Variants in SYT1 observed in about 807,000 individuals in gnomAD.
SYT1 encodes synaptotagmin 1, also known as synaptotagmin-1.
In SYT1, 8 loss-of-function variants were observed where a neutral mutation model predicts 44.8. The observed-to-expected ratio is 0.18, with a 90% CI of 0.10 to 0.32. SYT1 has a LOEUF of 0.32. SYT1 is among the 10% of genes least tolerant of loss of function. The pLI, the probability that SYT1 is intolerant of heterozygous loss-of-function variation, is 1.00. For synonymous variants in SYT1, 154 were observed against 188.8 expected, an observed-to-expected ratio of 0.82 and a Z score of 1.51; for missense variants, 286 against 509.3, an observed-to-expected ratio of 0.56 and a Z score of 4.22.
intron 2 of SYT1, among the ~76,000 whole-genome samples, chr12:79,044,873 T>G (rs1873887471): frequency 1.3e-5 from 2 of 152,186 alleles, no homozygotes; most frequent in South Asian, 4.1e-4. Context: ...GCAGGTCTGT[T>G]GGAGTACGCT....
chr12:78,894,579 G>T (rs932347803), intron 1 of SYT1, among the ~76,000 whole-genome samples: 5 of 151,370 alleles, frequency 3.3e-5, no homozygotes, highest in Non-Finnish European at 7.4e-5. Flanking sequence ...ATGAAACAAT[G>T]CATATTAAGT....
rs1230281601 is a variant in SYT1, at chr12:79,044,447, G to A, written c.-83-2850G>A. ...CTCCTGAGGCTTCTGCATTCTTCAC[G>A]TAGTTCTCGAGCCTTGGTTTTCAGC... On this transcript the variant is annotated intron_variant, in intron 2 of 10. Transcript: ENST00000261205. Among the ~76,000 whole-genome samples the A allele has an allele frequency of 4.7e-5, 7 of 150,084 alleles. No individual in the cohort carries two copies. In the South Asian group the frequency reaches 6.4e-4, roughly 14 times the overall value.
intron 3 of SYT1, among the ~76,000 whole-genome samples, chr12:79,049,180 A>G (rs575096644): frequency 7.0e-4 from 107 of 151,974 alleles, no homozygotes; most frequent in Non-Finnish European, 1.1e-3. Flanking sequence ...TATTTGATCT[A>G]TTGTTCAGGT....
chr12:79,284,505 T>C (rs990498352), intron 4 of SYT1, among the ~76,000 whole-genome samples: 1 of 152,026 alleles, frequency 6.6e-6, no homozygotes, highest in African/African-American at 2.4e-5. Flanking sequence ...TGTCCTGAGC[T>C]CTCTGCCTTA....
chr12:79,158,251 G>A lies in SYT1; in HGVS notation c.-17-59252G>A, dbSNP rs373800455. Among the ~76,000 whole-genome samples the A allele has an allele frequency of 3.2e-4, 48 of 152,162 alleles. No individual in the cohort carries two copies. In the East Asian group the frequency reaches 3.9e-3, roughly 12 times the overall value. ...CTAGATGGTCCCATCTGGGGGTGATGGGAGACAATGACAGATCATCAGGCA... is the reference window on the plus strand; with the variant it reads ...CTAGATGGTCCCATCTGGGGGTGATAGGAGACAATGACAGATCATCAGGCA... On this transcript the variant is annotated intron_variant, in intron 3 of 10. Coordinates refer to ENST00000261205, the MANE Select transcript of SYT1 (RefSeq NM_005639.3).
At chr12:79,131,105 C>T (rs1300847235) in intron 3 of SYT1, among the ~76,000 whole-genome samples, 1 of 150,848 alleles carries the variant, frequency 6.6e-6, no homozygotes, top group Non-Finnish European at 1.5e-5. Context: ...CAAATGTGTG[C>T]ATGTGTGTTT....
chr12:79,252,590 C>T (rs1220369339), intron 4 of SYT1, among the ~76,000 whole-genome samples: 1 of 152,104 alleles, frequency 6.6e-6, no homozygotes, highest in East Asian at 1.9e-4. Context: ...ATCCAGACCT[C>T]ATTCTTCTTT....
At chr12:78,926,665 A>C (rs929463537) in intron 1 of SYT1, 1 of 152,118 alleles carries the variant, frequency 6.6e-6, no homozygotes, top group Non-Finnish European at 1.5e-5. Context: ...ATGAATCTTA[A>C]ACATTTTTGG....
At chr12:78,998,285 G>A (rs545765577) in intron 2 of SYT1, among the ~76,000 whole-genome samples, 1 of 152,294 alleles carries the variant, frequency 6.6e-6, no homozygotes, top group Admixed American at 6.5e-5. Flanking sequence ...GGAACAGTTA[G>A]GGCAAGAGCA....
At chr12:78,996,010 CT>C (rs1870355579) in intron 2 of SYT1, among the ~76,000 whole-genome samples, 1 of 152,168 alleles carries the variant, frequency 6.6e-6, no homozygotes. Context: ...CCTGAAGTTT[CT>C]GAACCAAACT....
intron 2 of SYT1, among the ~76,000 whole-genome samples, chr12:78,985,847 G>T (rs147345589): frequency 2.6e-5 from 4 of 151,662 alleles, no homozygotes; most frequent in Admixed American, 2.6e-4. Context: ...AATTTCAAAC[G>T]GTATTCATCC....
chr12:79,314,127 C>G (rs991808078), intron 8 of SYT1, among the ~76,000 whole-genome samples: 1 of 142,834 alleles, frequency 7.0e-6, no homozygotes, highest in Non-Finnish European at 1.5e-5. Context: ...CGAGATCGCG[C>G]CACTGCACTC....
intron 1 of SYT1, among the ~76,000 whole-genome samples, chr12:78,882,164 T>C (rs2137057546): frequency 6.6e-6 from 1 of 151,890 alleles, no homozygotes; most frequent in African/African-American, 2.4e-5. Flanking sequence ...CAAAAAACGT[T>C]TGCTGAATGA....
chr12:79,244,318 A>G (rs1336243520), intron 4 of SYT1, among the ~76,000 whole-genome samples: 5 of 152,222 alleles, frequency 3.3e-5, no homozygotes, highest in African/African-American at 1.2e-4. Context: ...AACTTTCCAC[A>G]TGATTTCTTT....
intron 9 of SYT1, among the ~76,000 whole-genome samples, chr12:79,443,534 AG>A (rs1870544912): frequency 6.6e-6 from 1 of 152,166 alleles, no homozygotes; most frequent in African/African-American, 2.4e-5. Context: ...CTATATTCCT[AG>A]GGCCTAACAG....
At chr12:79,349,112 A>T (rs896301914) in intron 8 of SYT1, among the ~76,000 whole-genome samples, 2 of 149,552 alleles carry the variant, frequency 1.3e-5, no homozygotes, top group Non-Finnish European at 3.0e-5. Context: ...GACAAACAGG[A>T]GGAAGGGAGG....
chr12:78,924,619 A>C (rs1349312604), intron 1 of SYT1, among the ~76,000 whole-genome samples: 1 of 147,806 alleles, frequency 6.8e-6, no homozygotes, highest in Non-Finnish European at 1.5e-5. Flanking sequence ...GTGAATATAC[A>C]TATATATGTA....
intron 9 of SYT1, chr12:79,419,421 G>T: frequency 2.6e-6 from 1 of 385,044 alleles, no homozygotes. Flanking sequence ...CCGGCAGCAG[G>T]TCAGGTGGGA....
intron 4 of SYT1, among the ~76,000 whole-genome samples, chr12:79,273,720 C>T (rs1878557932): frequency 6.6e-6 from 1 of 152,220 alleles, no homozygotes; most frequent in Non-Finnish European, 1.5e-5. Context: ...GGAAGACATT[C>T]CTGATCCTAA....
Sources: allele counts gnomAD v4.1 joint callset (sites outside exome capture counted in the v4.1 genomes callset), GRCh38; gene constraint gnomAD v4.1.1; transcripts MANE v1.5; gene names NCBI Gene and HGNC (gene_info 2026-07-23, HGNC 2026-07-21).